Variants in SEMA3A observed in about 807,000 individuals in gnomAD.
The protein encoded by SEMA3A is semaphorin 3A, also known as semaphorin-3A.
Under a neutral mutation model 97.9 loss-of-function variants are expected in SEMA3A, and 29 were observed. That is an observed-to-expected ratio of 0.30 (90% CI 0.22 to 0.40). The LOEUF is 0.40. Ranked by LOEUF, SEMA3A falls within the 10% of genes least tolerant of loss-of-function variation. The probability of loss-of-function intolerance (pLI) is 1.00; values close to 1 mark genes in which losing one functional copy is unlikely to be tolerated. For synonymous variants in SEMA3A, 321 were observed against 323.7 expected, an observed-to-expected ratio of 0.99 and a Z score of 0.09; for missense variants, 763 against 951.3, an observed-to-expected ratio of 0.80 and a Z score of 2.60.
At chr7:84,436,471 A>C (rs943728566) in intron 1 of SEMA3A, among the ~76,000 whole-genome samples, 8 of 152,192 alleles carry the variant, frequency 5.3e-5, no homozygotes, top group African/African-American at 1.7e-4. Flanking sequence ...TAAGGAACTT[A>C]AGCAATTCAA....
chr7:83,992,481 C>G lies in SEMA3A; in HGVS notation c.1453-7004G>C, dbSNP rs544771832. ...AGTGCTATAAATTTCCCTCTACACA[C>G]TGCTTTGAATGCGTCCCAGAGATTC... On this transcript the variant is annotated intron_variant, in intron 12 of 16. Transcript: ENST00000265362. Among the ~76,000 whole-genome samples the G allele has an allele frequency of 6.1e-4, 93 of 151,682 alleles. 3 individuals carry two copies. In the South Asian group the frequency reaches 0.02, roughly 32 times the overall value.
chr7:84,311,546 A>T (rs912429203), intron 2 of SEMA3A, among the ~76,000 whole-genome samples: 5 of 151,950 alleles, frequency 3.3e-5, no homozygotes, highest in Non-Finnish European at 5.9e-5. Flanking sequence ...CTATGAAGAG[A>T]AGACTAAAGA....
chr7:84,256,230 G>A (rs1334613761), intron 3 of SEMA3A, among the ~76,000 whole-genome samples: 2 of 152,058 alleles, frequency 1.3e-5, no homozygotes, highest in Non-Finnish European at 2.9e-5. Flanking sequence ...TAAGTGGTAT[G>A]TGAATTTGTG....
intron 4 of SEMA3A, among the ~76,000 whole-genome samples, chr7:84,090,621 A>G (rs544160914): frequency 1.2e-4 from 19 of 152,326 alleles, no homozygotes; most frequent in Admixed American, 5.2e-4. Context: ...GCTTTTAACT[A>G]AGCAATTTTC....
intron 3 of SEMA3A, among the ~76,000 whole-genome samples, chr7:84,285,454 TA>T (rs1227371396): frequency 2.0e-5 from 3 of 152,106 alleles, no homozygotes; most frequent in African/African-American, 7.2e-5. Context: ...TAGGAATTAA[TA>T]AATCTCTATT....
intron 1 of SEMA3A, among the ~76,000 whole-genome samples, chr7:84,457,882 T>C (rs1805724631): frequency 6.6e-6 from 1 of 151,982 alleles, no homozygotes; most frequent in Non-Finnish European, 1.5e-5. Flanking sequence ...ACATCATACA[T>C]TAACTGATGT....
At chr7:84,154,068 G>T (rs537916748) in intron 1 of SEMA3A, among the ~76,000 whole-genome samples, 1 of 152,030 alleles carries the variant, frequency 6.6e-6, no homozygotes, top group Admixed American at 6.6e-5. Flanking sequence ...ATTTTGGGAG[G>T]TCTAGCTGTC....
At chr7:84,381,858 T>A (rs537728735) in intron 1 of SEMA3A, among the ~76,000 whole-genome samples, 66 of 152,312 alleles carry the variant, frequency 4.3e-4, no homozygotes, top group Non-Finnish European at 8.5e-4. Context: ...TTGGGGCAGA[T>A]AATTTTGCCT....
At chr7:84,455,730 T>C (rs529170445) in intron 1 of SEMA3A, among the ~76,000 whole-genome samples, 3 of 152,102 alleles carry the variant, frequency 2.0e-5, no homozygotes, top group African/African-American at 7.2e-5. Flanking sequence ...GATAAGAATT[T>C]TCTTAAATTC....
intron 3 of SEMA3A, among the ~76,000 whole-genome samples, chr7:84,112,733 G>T (rs1795310626): frequency 6.6e-6 from 1 of 152,190 alleles, no homozygotes; most frequent in Middle Eastern, 3.4e-3. Context: ...AAACTCTCAA[G>T]GTTCTTGCTA....
At chr7:84,025,260 C>T (rs1791506323) in intron 6 of SEMA3A, among the ~76,000 whole-genome samples, 1 of 152,112 alleles carries the variant, frequency 6.6e-6, no homozygotes, top group African/African-American at 2.4e-5. Context: ...TTTCCAATAT[C>T]ACAGCCTCAG....
At chr7:84,410,491 A>T (rs1188755671) in intron 1 of SEMA3A, among the ~76,000 whole-genome samples, 1 of 152,154 alleles carries the variant, frequency 6.6e-6, no homozygotes, top group Non-Finnish European at 1.5e-5. Context: ...GAAGAAAATT[A>T]CTTATGTTAC....
At chr7:84,003,859 G>GA (rs66760649) in intron 11 of SEMA3A, among the ~76,000 whole-genome samples, 134,886 of 151,894 alleles carry the variant, frequency 0.89, 60,144 homozygotes, top group African/African-American at 0.97. Flanking sequence ...GCAATTCATT[G>GA]CCTTTATGAA....
At chr7:84,442,313 C>T (rs183513284) in intron 1 of SEMA3A, among the ~76,000 whole-genome samples, 359 of 152,146 alleles carry the variant, frequency 2.4e-3, no homozygotes, top group African/African-American at 8.1e-3. Flanking sequence ...TAATTTTTAA[C>T]ATCCAAAACT....
chr7:84,017,764 T>C (rs1347877856), intron 6 of SEMA3A, among the ~76,000 whole-genome samples: 2 of 152,142 alleles, frequency 1.3e-5, no homozygotes, highest in African/African-American at 4.8e-5. Flanking sequence ...TAGCCCTCTT[T>C]CTTATTCTCT....
intron 1 of SEMA3A, among the ~76,000 whole-genome samples, chr7:84,460,240 TAGAA>T (rs1416961642): frequency 6.6e-6 from 1 of 152,134 alleles, no homozygotes; most frequent in Non-Finnish European, 1.5e-5. Context: ...ATCCTGCAAA[TAGAA>T]AGGCAAATAC....
intron 3 of SEMA3A, among the ~76,000 whole-genome samples, chr7:84,220,983 A>G (rs189522002): frequency 5.3e-4 from 81 of 152,284 alleles, no homozygotes; most frequent in African/African-American, 1.7e-3. Context: ...CTAGCTATCA[A>G]AATCTTGGAT....
intron 1 of SEMA3A, among the ~76,000 whole-genome samples, chr7:84,434,183 AT>A (rs540692521): frequency 3.3e-5 from 5 of 151,544 alleles, no homozygotes; most frequent in African/African-American, 4.8e-5. Flanking sequence ...GATGTGGATC[AT>A]TTTTTCTTGT....
At chr7:84,445,512 A>G (rs1299694254) in intron 1 of SEMA3A, among the ~76,000 whole-genome samples, 10 of 145,736 alleles carry the variant, frequency 6.9e-5, no homozygotes, top group Admixed American at 2.1e-4. Context: ...AAAAAAAAAA[A>G]AAAAAAAAGA....
Sources: gnomAD v4.1 joint callset for allele counts (sites outside exome capture counted in the v4.1 genomes callset) on GRCh38, gnomAD v4.1.1 for gene constraint, MANE v1.5 for transcripts, NCBI Gene and HGNC (gene_info 2026-07-23, HGNC 2026-07-21) for gene names.